TRABD2B: variants seen among roughly 807,000 people sequenced by gnomAD.
TRABD2B encodes the protein metalloprotease TIKI2.
Under a neutral mutation model 40.1 loss-of-function variants are expected in TRABD2B, and 14 were observed. The observed-to-expected ratio is 0.35, with a 90% CI of 0.23 to 0.55. The LOEUF is 0.55. TRABD2B is among the 20% of genes least tolerant of loss of function. The pLI, the probability that TRABD2B is intolerant of heterozygous loss-of-function variation, is 0.90. For synonymous variants in TRABD2B, 263 were observed against 277.0 expected, an observed-to-expected ratio of 0.95 and a Z score of 0.50; for missense variants, 541 against 648.6, an observed-to-expected ratio of 0.83 and a Z score of 1.80.
chr1:47,859,799 C>A (rs186991555), intron 2 of TRABD2B, among the ~76,000 whole-genome samples: 2 of 152,346 alleles, frequency 1.3e-5, no homozygotes, highest in Non-Finnish European at 2.9e-5. Context: ...CTTGGCACCT[C>A]TATCACAGGG....
intron 2 of TRABD2B, among the ~76,000 whole-genome samples, chr1:47,935,093 G>T (rs770095584): frequency 6.6e-6 from 1 of 152,214 alleles, no homozygotes; most frequent in Non-Finnish European, 1.5e-5. Context: ...CCCGCAGGTA[G>T]ACAAGTAGTC....
At chr1:47,981,348 A>G (rs1645838338) in intron 2 of TRABD2B, among the ~76,000 whole-genome samples, 1 of 152,204 alleles carries the variant, frequency 6.6e-6, no homozygotes, top group Admixed American at 6.5e-5. Flanking sequence ...AGATAAGTCA[A>G]GAGAACAGGG....
At chr1:47,868,563 G>A (rs1227277866) in intron 2 of TRABD2B, among the ~76,000 whole-genome samples, 1 of 152,176 alleles carries the variant, frequency 6.6e-6, no homozygotes, top group East Asian at 1.9e-4. Context: ...GATTCTCATA[G>A]GAGCAGGAAC....
At chr1:47,859,291 C>T (rs1643931957) in intron 2 of TRABD2B, among the ~76,000 whole-genome samples, 2 of 152,156 alleles carry the variant, frequency 1.3e-5, no homozygotes, top group Non-Finnish European at 2.9e-5. Context: ...TGGTGGTTAC[C>T]CACAGCCAGC....
intron 2 of TRABD2B, among the ~76,000 whole-genome samples, chr1:47,893,561 C>T (rs999982507): frequency 1.3e-5 from 2 of 152,214 alleles, no homozygotes; most frequent in African/African-American, 4.8e-5. Flanking sequence ...CAGCCATGCT[C>T]TTAGCGCACC....
At chr1:47,888,438 C>G (rs911521270) in intron 2 of TRABD2B, among the ~76,000 whole-genome samples, 2 of 152,180 alleles carry the variant, frequency 1.3e-5, no homozygotes, top group Non-Finnish European at 2.9e-5. Flanking sequence ...AGGCTGTTCA[C>G]CCCATACAAG....
chr1:47,866,430 A>C (rs1229693071), intron 2 of TRABD2B, among the ~76,000 whole-genome samples: 3 of 151,982 alleles, frequency 2.0e-5, no homozygotes, highest in Non-Finnish European at 4.4e-5. Context: ...ATTTCTCTAC[A>C]CCCTACCCTT....
intron 6 of TRABD2B, among the ~76,000 whole-genome samples, chr1:47,766,408 G>A (rs537930970): frequency 6.6e-6 from 1 of 152,250 alleles, no homozygotes; most frequent in East Asian, 1.9e-4. Context: ...CAGGCAGAAA[G>A]AATAGTGTTT....
Position 47,997,214 on chromosome 1 carries a change from C to T in TRABD2B, c.-425G>A. On this transcript the variant is annotated 5_prime_UTR_variant, in exon 1 of 7. Transcript: ENST00000606738. ...ACGCAAGGGTCCCAGGGGTGCGCGG[C>T]GCTCCAGGAGGCGCGCAGTGGGACA... 1 of 982,718 alleles carries T rather than the reference C, an allele frequency of 1.0e-6. No individual in the cohort carries two copies. Among genetic ancestry groups the T allele is most frequent in the South Asian group, 4.7e-5 (1 of 21,180 alleles). 60.9% of individuals were successfully genotyped at this position (982,718 alleles called of 1,614,324 possible).
chr1:47,879,907 G>A (rs192792772), intron 2 of TRABD2B, among the ~76,000 whole-genome samples: 287 of 152,348 alleles, frequency 1.9e-3, no homozygotes, highest in African/African-American at 6.2e-3. Flanking sequence ...GACCCCTCTC[G>A]TGCTTTCTCC....
intron 6 of TRABD2B, among the ~76,000 whole-genome samples, chr1:47,770,303 C>G (rs1644361330): frequency 6.6e-6 from 1 of 152,150 alleles, no homozygotes; most frequent in Non-Finnish European, 1.5e-5. Context: ...CTGGGCCAAG[C>G]AGGTCGGATG....
intron 2 of TRABD2B, among the ~76,000 whole-genome samples, chr1:47,964,794 G>A (rs951966069): frequency 6.6e-6 from 1 of 152,040 alleles, no homozygotes; most frequent in South Asian, 2.1e-4. Flanking sequence ...TTTCTCTCAT[G>A]TTGCAAAGGA....
chr1:47,921,227 C>A (rs1163024507), intron 2 of TRABD2B, among the ~76,000 whole-genome samples: 1 of 152,200 alleles, frequency 6.6e-6, no homozygotes, highest in Non-Finnish European at 1.5e-5. Context: ...GGTAGACCAA[C>A]TGCTGGGTCA....
At chr1:47,842,633 G>A (rs1170310238) in intron 2 of TRABD2B, among the ~76,000 whole-genome samples, 1 of 152,152 alleles carries the variant, frequency 6.6e-6, no homozygotes, top group Non-Finnish European at 1.5e-5. Context: ...CACTCACTTG[G>A]GCAAGTGGCT....
chr1:47,786,574 G>C (rs890207346), intron 4 of TRABD2B, among the ~76,000 whole-genome samples: 2 of 152,212 alleles, frequency 1.3e-5, no homozygotes, highest in African/African-American at 4.8e-5. Context: ...TGGGGTGGCA[G>C]GACCCTTTGA....
chr1:47,907,448 T>G (rs1644693725), intron 2 of TRABD2B, among the ~76,000 whole-genome samples: 1 of 152,230 alleles, frequency 6.6e-6, no homozygotes, highest in South Asian at 2.1e-4. Context: ...ACCCTGCACC[T>G]ACCAGGTACC....
At chr1:47,823,783 A>C (rs548687258) in intron 2 of TRABD2B, among the ~76,000 whole-genome samples, 3 of 152,318 alleles carry the variant, frequency 2.0e-5, no homozygotes, top group Admixed American at 6.5e-5. Flanking sequence ...CTGGGTTTTC[A>C]CAAGGTGGGA....
intron 2 of TRABD2B, among the ~76,000 whole-genome samples, chr1:47,955,838 C>T (rs553210817): frequency 1.3e-5 from 2 of 152,320 alleles, no homozygotes; most frequent in African/African-American, 2.4e-5. Context: ...GTCCACTGCT[C>T]AGCAACCCCA....
chr1:47,898,085 T>C (rs1196712823), intron 2 of TRABD2B, among the ~76,000 whole-genome samples: 1 of 152,102 alleles, frequency 6.6e-6, no homozygotes, highest in Non-Finnish European at 1.5e-5. Context: ...ACATTTTTGT[T>C]AGATGAATGA....
Sources: allele counts gnomAD v4.1 joint callset (sites outside exome capture counted in the v4.1 genomes callset), GRCh38; gene constraint gnomAD v4.1.1; transcripts MANE v1.5; gene names NCBI Gene and HGNC (gene_info 2026-07-23, HGNC 2026-07-21).